Variants in NELL1 observed in about 807,000 individuals in gnomAD.
The protein encoded by NELL1 is neural EGFL like 1.
A neutral mutation model predicts 107.4 loss-of-function variants in NELL1; 76 were observed. The observed-to-expected ratio is 0.71, with a 90% confidence interval of 0.59 to 0.86. NELL1 has a LOEUF of 0.86. NELL1 is among the 40% of genes least tolerant of loss of function. NELL1 has a pLI of 0.00. For missense variants in NELL1, 1,024 were observed against 1,005.5 expected (o/e 1.02, Z -0.25); for synonymous variants, 353 against 341.2 (o/e 1.03, Z -0.38).
chr11:21,340,792 C>T (rs938405636), intron 14 of NELL1, among the ~76,000 whole-genome samples: 5 of 152,104 alleles, frequency 3.3e-5, no homozygotes, highest in Admixed American at 2.0e-4. Flanking sequence ...AATGGCCCTC[C>T]TTTGTAGCCT....
intron 15 of NELL1, among the ~76,000 whole-genome samples, chr11:21,425,772 A>C (rs980908666): frequency 2.0e-5 from 3 of 152,202 alleles, no homozygotes; most frequent in African/African-American, 7.2e-5. Flanking sequence ...AAAGATAAAG[A>C]TATTTTTGAG....
At chr11:20,678,505 C>T (rs75736280) in intron 2 of NELL1, among the ~76,000 whole-genome samples, 5,954 of 152,200 alleles carry the variant, frequency 0.039, 159 homozygotes, top group Non-Finnish European at 0.057. Context: ...CAGTTCTGCC[C>T]ACTATAAGCG....
chr11:21,436,370 T>C (rs1274590954), intron 15 of NELL1, among the ~76,000 whole-genome samples: 1 of 152,134 alleles, frequency 6.6e-6, no homozygotes, highest in Non-Finnish European at 1.5e-5. Context: ...TTATTTAATC[T>C]TGTTCAGTTA....
rs528332366 is a variant in NELL1, at chr11:21,183,634, G to A, written c.1427-45698G>A. On this transcript the variant is annotated intron_variant, in intron 13 of 19. Transcript: ENST00000357134. The stretch of plus-strand genomic sequence containing the variant: ...TCAGCAGAGCTCTGGCCTATAAAAC[G>A]CAGGTTGAGATTTTCACTCGTATTT... Among the ~76,000 whole-genome samples the A allele has an allele frequency of 2.0e-5, 3 of 151,836 alleles. 1 individual carries two copies. Among genetic ancestry groups the A allele is most frequent in the African/African-American group, 4.9e-5 (2 of 41,122 alleles).
At chr11:21,152,116 G>A (rs1856131168) in intron 13 of NELL1, among the ~76,000 whole-genome samples, 1 of 152,166 alleles carries the variant, frequency 6.6e-6, no homozygotes, top group Admixed American at 6.5e-5. Context: ...AACTTCTAAT[G>A]TCCTGCTATA....
chr11:21,467,766 G>T (rs138335859), intron 15 of NELL1, among the ~76,000 whole-genome samples: 1 of 152,148 alleles, frequency 6.6e-6, no homozygotes, highest in Non-Finnish European at 1.5e-5. Flanking sequence ...GTAACAGGGA[G>T]CATGGGGTGT....
intron 12 of NELL1, among the ~76,000 whole-genome samples, chr11:21,013,753 T>C (rs1440352967): frequency 6.6e-6 from 1 of 152,158 alleles, no homozygotes; most frequent in African/African-American, 2.4e-5. Flanking sequence ...TTAACTAAAG[T>C]CTATACCTTT....
At chr11:20,905,581 ATATAAAT>A (rs1438259329) in intron 5 of NELL1, among the ~76,000 whole-genome samples, 1 of 152,164 alleles carries the variant, frequency 6.6e-6, no homozygotes, top group Non-Finnish European at 1.5e-5. Context: ...CAATGAAGAG[ATATAAAT>A]TATAAAAAGG....
At chr11:20,671,746 G>T (rs1363167170) in intron 1 of NELL1, among the ~76,000 whole-genome samples, 1 of 150,790 alleles carries the variant, frequency 6.6e-6, no homozygotes, top group Non-Finnish European at 1.5e-5. Flanking sequence ...ATAGAAACTG[G>T]CAGGCATTTT....
chr11:21,262,914 A>G (rs1848561635), intron 14 of NELL1, among the ~76,000 whole-genome samples: 1 of 151,184 alleles, frequency 6.6e-6, no homozygotes, highest in South Asian at 2.1e-4. Flanking sequence ...GGACTTTCTG[A>G]TTTTTCAATT....
chr11:21,233,260 C>T (rs555583923), intron 14 of NELL1, among the ~76,000 whole-genome samples: 1 of 152,298 alleles, frequency 6.6e-6, no homozygotes, highest in African/African-American at 2.4e-5. Flanking sequence ...TATGTTATCT[C>T]ATTTAGTTCC....
intron 16 of NELL1, among the ~76,000 whole-genome samples, chr11:21,535,508 G>T (rs190161139): frequency 6.6e-6 from 1 of 152,216 alleles, no homozygotes; most frequent in East Asian, 1.9e-4. Flanking sequence ...GTAAAGCAAA[G>T]ATGAATTACA....
At chr11:21,174,007 G>A (rs1434974715) in intron 13 of NELL1, among the ~76,000 whole-genome samples, 1 of 151,724 alleles carries the variant, frequency 6.6e-6, no homozygotes, top group Non-Finnish European at 1.5e-5. Flanking sequence ...AATTCCAGTA[G>A]CAACTAAATG....
intron 2 of NELL1, among the ~76,000 whole-genome samples, chr11:20,694,444 A>G (rs1845358275): frequency 1.3e-5 from 2 of 152,122 alleles, no homozygotes; most frequent in Admixed American, 6.6e-5. Flanking sequence ...ATTTTTGCAT[A>G]TAGTGAGAGA....
chr11:21,378,475 CCTT>C (rs1851533091), intron 15 of NELL1, among the ~76,000 whole-genome samples: 1 of 151,818 alleles, frequency 6.6e-6, no homozygotes. Flanking sequence ...GAGAGGCACA[CCTT>C]CTTACAGTCT....
intron 13 of NELL1, among the ~76,000 whole-genome samples, chr11:21,166,760 T>A (rs1225415477): frequency 6.6e-6 from 1 of 151,916 alleles, no homozygotes; most frequent in African/African-American, 2.4e-5. Flanking sequence ...AAAAAGAGCA[T>A]GTGACAATCT....
chr11:21,413,183 C>T lies in NELL1; in HGVS notation c.1645+42235C>T, dbSNP rs1894091. Reference sequence around the variant, plus strand: ...GCCACGGTTCTCAGTATCAGTATCACGATGTGACAGATGTTCAGCCCTGCT... The same window carrying T: ...GCCACGGTTCTCAGTATCAGTATCATGATGTGACAGATGTTCAGCCCTGCT... On this transcript the variant is annotated intron_variant, in intron 15 of 19. Coordinates refer to ENST00000357134, the MANE Select transcript of NELL1 (RefSeq NM_006157.5). 1.4e-3 allele frequency among the ~76,000 whole-genome samples: 211 copies of T among 152,180 alleles called. 1 individual carries two copies. Among genetic ancestry groups the T allele is most frequent in the African/African-American group, 4.6e-3 (192 of 41,544 alleles).
chr11:20,787,325 GAGA>G (rs1360063092), intron 3 of NELL1, among the ~76,000 whole-genome samples: 2 of 152,052 alleles, frequency 1.3e-5, no homozygotes, highest in Non-Finnish European at 2.9e-5. Flanking sequence ...TAAGAAAATA[GAGA>G]AGAATATATA....
intron 2 of NELL1, among the ~76,000 whole-genome samples, chr11:20,716,371 A>C (rs569267416): frequency 4.6e-5 from 7 of 152,258 alleles, no homozygotes; most frequent in Admixed American, 1.3e-4. Flanking sequence ...AAAGGATGCT[A>C]TTAGCAACAA....
Sources: gnomAD v4.1 joint callset for allele counts (sites outside exome capture counted in the v4.1 genomes callset) on GRCh38, gnomAD v4.1.1 for gene constraint, MANE v1.5 for transcripts, NCBI Gene and HGNC (gene_info 2026-07-23, HGNC 2026-07-21) for gene names.